MRC2: variants seen among roughly 807,000 people sequenced by gnomAD.
MRC2 encodes the protein mannose receptor C-type 2.
MRC2 carries 84 observed loss-of-function variants against 206.2 expected under a neutral mutation model. That is an observed-to-expected ratio of 0.41 (90% CI 0.34 to 0.49). The LOEUF is 0.49. Among genes scored for constraint, MRC2 ranks in the 20% least tolerant of loss-of-function variants. MRC2 has a pLI of 0.31. For missense variants in MRC2, 1,676 were observed against 2,001.5 expected, an observed-to-expected ratio of 0.84 and a Z score of 3.10; for synonymous variants, 798 against 800.0, an observed-to-expected ratio of 1.00 and a Z score of 0.04.
intron 1 of MRC2, among the ~76,000 whole-genome samples, chr17:62,655,697 C>T (rs932175878): frequency 2.5e-5 from 3 of 120,290 alleles, no homozygotes; most frequent in Non-Finnish European, 5.0e-5. Flanking sequence ...CCAGCCTGGA[C>T]AACAGAACGA....
At chr17:62,637,466 G>A (rs2088337689) in intron 1 of MRC2, among the ~76,000 whole-genome samples, 1 of 151,896 alleles carries the variant, frequency 6.6e-6, no homozygotes, top group South Asian at 2.1e-4. Flanking sequence ...AACCCTGGAG[G>A]TGGAGGTTGC....
chr17:62,636,250 CAAA>C (rs11363983), intron 1 of MRC2, among the ~76,000 whole-genome samples: 25 of 136,742 alleles, frequency 1.8e-4, no homozygotes, highest in African/African-American at 1.6e-4. Context: ...GACCCTGTCG[CAAA>C]AAAAAAAAAA....
chr17:62,659,754 C>T (rs2088660075), intron 1 of MRC2, among the ~76,000 whole-genome samples: 1 of 152,112 alleles, frequency 6.6e-6, no homozygotes, highest in Non-Finnish European at 1.5e-5. Context: ...GGGTCCCTGC[C>T]CCAACCTACA....
Position 62,671,485 on chromosome 17 carries a change from T to G in MRC2, c.1118-164T>G, listed in dbSNP as rs2088825035. 6.6e-6 allele frequency among the ~76,000 whole-genome samples: 1 copy of G among 152,140 alleles called. No homozygotes were observed. Among genetic ancestry groups the G allele is most frequent in the Non-Finnish European group, 1.5e-5 (1 of 68,014 alleles). On this transcript the variant is annotated intron_variant, in intron 6 of 29. Transcript: ENST00000303375. This position sits in a 1 kb window ranked among gnomAD's most constrained non-coding sequence, Gnocchi z 4.5. The stretch of plus-strand genomic sequence containing the variant: ...TCCAGCAGCCCTGTAAAGTTTTGTG[T>G]TTTTTTAGCATTTCCAAGACCTGTG...
intron 1 of MRC2, among the ~76,000 whole-genome samples, chr17:62,658,335 G>A (rs1269114930): frequency 6.6e-6 from 1 of 152,202 alleles, no homozygotes; most frequent in Non-Finnish European, 1.5e-5. Flanking sequence ...CCTGGAACAT[G>A]CCATGCACCT....
chr17:62,672,053 G>A lies in MRC2; in HGVS notation c.1362G>A (p.Glu454=), dbSNP rs1355523074. Residue 454 remains glutamate, a synonymous_variant, in exon 8 of 30, where the codon GAG becomes GAA. Transcript: ENST00000303375. This position sits in a 1 kb window ranked among gnomAD's most constrained non-coding sequence, Gnocchi z 4.5. ...LNDLKLQMNF[E]WSDGSLVSFT... is the part of the protein sequence containing the mutation. ...ATTTGAAACTGCAGATGAATTTTGA[G>A]TGGTCTGACGGGAGCCTTGTGAGCT... 3.7e-6 allele frequency: 6 copies of A among 1,614,058 alleles called. No individual in the cohort carries two copies. Among genetic ancestry groups the A allele is most frequent in the Non-Finnish European group, 5.1e-6 (6 of 1,180,048 alleles).
Position 62,661,068 on chromosome 17 carries a change from C to G in MRC2, c.119-3480C>G, listed in dbSNP as rs548672478. 6.6e-5 allele frequency among the ~76,000 whole-genome samples: 10 copies of G among 152,144 alleles called. No homozygotes were observed. The South Asian group carries it at 2.1e-3, about 32-fold the overall frequency. The stretch of plus-strand genomic sequence containing the variant: ...TTTTTGTTGTTTGAAATGTGAAATG[C>G]CAGGTAGAGGAAATAATGCATAGGC... On this transcript the variant is annotated intron_variant, in intron 1 of 29. Transcript: ENST00000303375.
At chr17:62,684,966 C>T (rs1402052223) in intron 20 of MRC2, among the ~76,000 whole-genome samples, 8 of 152,242 alleles carry the variant, frequency 5.3e-5, no homozygotes, top group Non-Finnish European at 1.2e-4. Context: ...CATCGCAAAA[C>T]CCTGTCTCTA....
At chr17:62,634,180 A>G (rs1192846791) in intron 1 of MRC2, among the ~76,000 whole-genome samples, 4 of 152,140 alleles carry the variant, frequency 2.6e-5, no homozygotes, top group Admixed American at 1.3e-4. Context: ...TAGACCCTAT[A>G]AGGTAATTTC....
chr17:62,640,017 CTT>C (rs56703312), intron 1 of MRC2, among the ~76,000 whole-genome samples: 2 of 74,358 alleles, frequency 2.7e-5, no homozygotes, highest in Non-Finnish European at 4.7e-5. Context: ...CCATGCCCAG[CTT>C]TTTTTTTTTT....
chr17:62,650,721 G>A (rs920415908), intron 1 of MRC2, among the ~76,000 whole-genome samples: 3 of 152,192 alleles, frequency 2.0e-5, no homozygotes, highest in African/African-American at 7.2e-5. Context: ...GTGCCTGGAC[G>A]CGCATGGTTA....
intron 1 of MRC2, among the ~76,000 whole-genome samples, chr17:62,661,418 C>T (rs796265799): frequency 3.3e-5 from 5 of 152,246 alleles, no homozygotes; most frequent in African/African-American, 1.2e-4. Flanking sequence ...TCATTTTCTA[C>T]TGCATTGTTG....
At chr17:62,650,618 C>G (rs1341226567) in intron 1 of MRC2, among the ~76,000 whole-genome samples, 1 of 152,214 alleles carries the variant, frequency 6.6e-6, no homozygotes, top group African/African-American at 2.4e-5. Context: ...TTTAATACCT[C>G]AGTTTCCTCA....
In MRC2 at chr17:62,689,876, A is replaced by C. The variant is rs747304178; in HGVS notation, c.3574-18A>C. Reference sequence around the variant, plus strand: ...CTGACTATTCCCTTCCTCCCACCCCATGGCCCCCCATGCCCAGGGCTCTCG... The same window carrying C: ...CTGACTATTCCCTTCCTCCCACCCCCTGGCCCCCCATGCCCAGGGCTCTCG... On this transcript the variant is annotated intron_variant, in intron 24 of 29. Coordinates refer to ENST00000303375, the MANE Select transcript of MRC2 (RefSeq NM_006039.5). 8 of 1,572,502 alleles carry C rather than the reference A, an allele frequency of 5.1e-6. No homozygotes were observed. In the Admixed American group the frequency reaches 1.3e-4, roughly 26 times the overall value.
chr17:62,680,353 G>A lies in MRC2; in HGVS notation c.2437+45G>A, dbSNP rs2088947929. 6.2e-7 allele frequency: 1 copy of A among 1,613,600 alleles called. No homozygotes were observed. The highest frequency in any genetic ancestry group is 8.5e-7 in the Non-Finnish European group (1 of 1,179,658). ...GGGGACGCGGGATGGAGCGAAGGGT[G>A]GCGGGGCCAGGAATTCCAGGGAGGG... On this transcript the variant is annotated intron_variant, in intron 15 of 29. Coordinates refer to ENST00000303375, the MANE Select transcript of MRC2 (RefSeq NM_006039.5). The surrounding 1 kb of genome is among the most constrained non-coding windows in gnomAD (Gnocchi z 4.8).
rs1478606328 is a variant in MRC2, at chr17:62,675,432, C to G, written c.1570-358C>G. 6.6e-6 allele frequency among the ~76,000 whole-genome samples: 1 copy of G among 152,208 alleles called. No individual in the cohort carries two copies. Among genetic ancestry groups the G allele is most frequent in the Non-Finnish European group, 1.5e-5 (1 of 68,038 alleles). On this transcript the variant is annotated intron_variant, in intron 9 of 29. Coordinates refer to ENST00000303375, the MANE Select transcript of MRC2 (RefSeq NM_006039.5). The surrounding 1 kb of genome is among the most constrained non-coding windows in gnomAD (Gnocchi z 4.1). The stretch of plus-strand genomic sequence containing the variant: ...CCTGGCAGCTCTCCCCAGCCTTTAG[C>G]TGTGGTTTCCCAGCCAACAGTAATT...
intron 1 of MRC2, among the ~76,000 whole-genome samples, chr17:62,655,480 T>A (rs1310801062): frequency 6.6e-6 from 1 of 152,026 alleles, no homozygotes; most frequent in African/African-American, 2.4e-5. Context: ...AGGAGGAGCT[T>A]GCAGTGAGCC....
Position 62,688,561 on chromosome 17 carries a change from C to T in MRC2, c.3122C>T (p.Ser1041Leu), listed in dbSNP as rs2089060951. Residue 1041 changes from serine to leucine, a missense_variant, in exon 22 of 30, where the codon TCG becomes TTG. Ser to Leu is a moderately radical substitution (Grantham distance 145). Around this residue, in one of 3 missense-constraint regions of MRC2, gnomAD observed 1,354 missense variants for 1,636.6 expected, o/e 0.83. Transcript: ENST00000303375. The part of the protein sequence containing the change: ...TFDLWIGLHA[S>L]QRDFQWVEQE... ...GACCTTTGGATTGGCCTCCATGCCT[C>T]GCAGAGGGACTTCCAGTGGGTGGAG... is the stretch of plus-strand genomic sequence containing the variant. 4.3e-6 allele frequency: 7 copies of T among 1,614,226 alleles called. No homozygotes were observed. Among genetic ancestry groups the T allele is most frequent in the Non-Finnish European group, 5.9e-6 (7 of 1,180,032 alleles).
chr17:62,689,617 C>T lies in MRC2; in HGVS notation c.3430C>T (p.Leu1144=), dbSNP rs371508542. 6.2e-6 allele frequency: 10 copies of T among 1,603,602 alleles called. No homozygotes were observed. Among genetic ancestry groups the T allele is most frequent in the South Asian group, 1.1e-5 (1 of 89,210 alleles). The change falls in exon 24 of 30, where the codon CTG becomes TTG. Residue 1144 remains leucine (L), a synonymous_variant. Coordinates refer to ENST00000303375, the MANE Select transcript of MRC2 (RefSeq NM_006039.5). ...CACCTTCCGGCTGCTTCAGAAGCCG[C>T]TGCGCTGGCACGATGCCCTCCTGCT... is the stretch of plus-strand genomic sequence containing the variant. The part of the protein sequence containing the change: ...NGTFRLLQKP[L]RWHDALLLCE...
Sources: gnomAD v4.1 joint callset for allele counts (sites outside exome capture counted in the v4.1 genomes callset) on GRCh38, gnomAD v4.1.1 for gene constraint, gnomAD v4.1.1 regional missense constraint, Gnocchi (gnomAD v3.1) non-coding constraint, MANE v1.5 for transcripts, NCBI Gene and HGNC (gene_info 2026-07-23, HGNC 2026-07-21) for gene names.